THTPA: variants seen among roughly 807,000 people sequenced by gnomAD.
The protein encoded by THTPA is thiamine triphosphatase.
In THTPA, 16 loss-of-function variants were observed where a neutral mutation model predicts 16.5. The observed-to-expected ratio is 0.97, with a 90% CI of 0.66 to 1.47. THTPA has a LOEUF of 1.47. THTPA is among the 40% of genes most tolerant of loss of function. THTPA has a pLI of 0.00. For synonymous variants in THTPA, 110 were observed against 115.5 expected, an observed-to-expected ratio of 0.95 and a Z score of 0.30; for missense variants, 281 against 280.9, an observed-to-expected ratio of 1.00 and a Z score of 0.00.
the THTPA span, chr14:23,534,193 C>G: frequency 2.7e-6 from 4 of 1,481,534 alleles, no homozygotes; most frequent in African/African-American, 4.2e-5. This position sits in a 1 kb window ranked among gnomAD's most constrained non-coding sequence, Gnocchi z 4.5. Context: ...CTCTTCTTGC[C>G]CCTCAGGGAA....
Position 23,560,021 on chromosome 14 carries a change from G to T in THTPA, c.*1181G>T, listed in dbSNP as rs769085601. On this transcript the variant is annotated 3_prime_UTR_variant, in exon 2 of 2. Coordinates refer to ENST00000288014, the MANE Select transcript of THTPA (RefSeq NM_024328.6). ...ACTGTGTTCCCACTGGGGGCCTGCA[G>T]CTGCAGCTGGAGACTCTGAACACAG... 3 of 1,607,812 alleles carry T rather than the reference G, an allele frequency of 1.9e-6. No individual in the cohort carries two copies. The highest frequency in any genetic ancestry group is 2.6e-6 in the Non-Finnish European group (3 of 1,175,872).
chr14:23,520,434 T>C, the THTPA span, among the ~76,000 whole-genome samples: 1 of 151,848 alleles, frequency 6.6e-6, no homozygotes, highest in East Asian at 1.9e-4. This position sits in a 1 kb window ranked among gnomAD's most constrained non-coding sequence, Gnocchi z 8.7. Flanking sequence ...GAAAGGTAAA[T>C]GCAAGGAGAA....
the THTPA span, among the ~76,000 whole-genome samples, chr14:23,539,429 T>C: frequency 1.3e-5 from 2 of 151,612 alleles, no homozygotes; most frequent in African/African-American, 2.4e-5. Flanking sequence ...GAGAGAGAAA[T>C]GTGATGAGAC....
chr14:23,527,008 A>C, the THTPA span: 13 of 1,468,692 alleles, frequency 8.9e-6, no homozygotes, highest in Non-Finnish European at 1.1e-5. Context: ...CTTCACCACC[A>C]CCCCCCACTG....
chr14:23,513,771 C>T, the THTPA span: 3 of 152,768 alleles, frequency 2.0e-5, no homozygotes, highest in Non-Finnish European at 2.9e-5. Context: ...GCAATGGAGA[C>T]TGGGGGATCC....
chr14:23,524,473 T>G, the THTPA span: 28 of 1,532,846 alleles, frequency 1.8e-5, no homozygotes, highest in Non-Finnish European at 2.4e-5. The surrounding 1 kb of genome is among the most constrained non-coding windows in gnomAD (Gnocchi z 5.6). Flanking sequence ...CTGGCATTGG[T>G]GAGGTGGCTG....
At chr14:23,548,726 CTCTCTCTG>C in the THTPA span, among the ~76,000 whole-genome samples, 1 of 152,158 alleles carries the variant, frequency 6.6e-6, no homozygotes, top group South Asian at 2.1e-4. Flanking sequence ...GAGGTTCTCT[CTCTCTCTG>C]TCTCTTCCCT....
In THTPA at chr14:23,559,218, G is replaced by T. The variant is rs145132066; in HGVS notation, c.*378G>T. The stretch of plus-strand genomic sequence containing the variant: ...GGCTCCTAAACCGCCTTACAGCTGA[G>T]TTAGAAGATGAGGAGAGGCAGCAGG... On this transcript the variant is annotated 3_prime_UTR_variant, in exon 2 of 2. Coordinates refer to ENST00000288014, the MANE Select transcript of THTPA (RefSeq NM_024328.6). 1,073 of 238,444 alleles carry T rather than the reference G, an allele frequency of 4.5e-3. 4 individuals are homozygous for T. Among genetic ancestry groups the T allele is most frequent in the Non-Finnish European group, 6.8e-3 (820 of 120,264 alleles). 14.8% of individuals were successfully genotyped at this position (238,444 alleles called of 1,614,324 possible). A position where few individuals can be genotyped will look rare whatever the true frequency, so the allele number is the denominator to read the frequency against.
At chr14:23,534,279 G>A in the THTPA span, 1 of 1,531,906 alleles carries the variant, frequency 6.5e-7, no homozygotes, top group Non-Finnish European at 8.7e-7. The surrounding 1 kb of genome is among the most constrained non-coding windows in gnomAD (Gnocchi z 4.5). Flanking sequence ...AGGTGGCTGT[G>A]GGTGGAGAGG....
the THTPA span, among the ~76,000 whole-genome samples, chr14:23,519,627 C>G: frequency 6.6e-6 from 1 of 152,162 alleles, no homozygotes; most frequent in South Asian, 2.1e-4. Context: ...AGTTAGAAAA[C>G]TAACTCCACC....
the THTPA span, chr14:23,511,865 A>G: frequency 2.0e-5 from 3 of 152,242 alleles, no homozygotes; most frequent in East Asian, 5.8e-4. Flanking sequence ...AATTTGGGTA[A>G]GAAGGCTCGG....
chr14:23,518,934 C>T, the THTPA span, among the ~76,000 whole-genome samples: 7 of 152,268 alleles, frequency 4.6e-5, no homozygotes, highest in East Asian at 7.7e-4. This position sits in a 1 kb window ranked among gnomAD's most constrained non-coding sequence, Gnocchi z 4.5. Context: ...GAGAAAGGGA[C>T]TGGGAAGGAA....
chr14:23,558,898 G>A lies in THTPA; in HGVS notation c.*58G>A. ...TGGGTCTAACGGAGTCCACTCCTGGGCCCACTGTGCCTCTCCCCTCAGTGT... is the reference window on the plus strand; with the variant it reads ...TGGGTCTAACGGAGTCCACTCCTGGACCCACTGTGCCTCTCCCCTCAGTGT... On this transcript the variant is annotated 3_prime_UTR_variant, in exon 2 of 2. Transcript: ENST00000288014. The A allele has an allele frequency of 1.3e-6, 2 of 1,596,592 alleles. No individual in the cohort carries two copies.
chr14:23,526,184 C>G, the THTPA span: 7 of 1,536,410 alleles, frequency 4.6e-6, no homozygotes, highest in Non-Finnish European at 6.1e-6. Flanking sequence ...GGAGACTCTG[C>G]AGACTGTGCA....
At chr14:23,524,882 C>T in the THTPA span, 64 of 1,536,322 alleles carry the variant, frequency 4.2e-5, no homozygotes, top group African/African-American at 2.3e-4. The surrounding 1 kb of genome is among the most constrained non-coding windows in gnomAD (Gnocchi z 5.6). Flanking sequence ...CTTGAGGTGG[C>T]GCACCAACTC....
upstream of THTPA, among the ~76,000 whole-genome samples, chr14:23,555,105 A>T (rs1882253965): frequency 6.6e-6 from 1 of 152,166 alleles, no homozygotes; most frequent in Non-Finnish European, 1.5e-5. Context: ...CTCATGCCTC[A>T]GCCTCTGGAG....
At chr14:23,523,463 G>A in the THTPA span, 1 of 1,536,164 alleles carries the variant, frequency 6.5e-7, no homozygotes, top group South Asian at 1.2e-5. This position sits in a 1 kb window ranked among gnomAD's most constrained non-coding sequence, Gnocchi z 4.1. Context: ...GCCTCGGCAG[G>A]AGACATAGAA....
the THTPA span, among the ~76,000 whole-genome samples, chr14:23,544,487 C>G: frequency 6.6e-6 from 1 of 152,118 alleles, no homozygotes; most frequent in South Asian, 2.1e-4. Context: ...TAGCCCTGTC[C>G]CAGTACTTCT....
At chr14:23,556,116 C>T (rs764485965), upstream of THTPA, 1 of 152,744 alleles carries the variant, frequency 6.5e-6, no homozygotes, top group Non-Finnish European at 1.5e-5. Flanking sequence ...CCCTGGCCAC[C>T]GCGGGGGTCG....
Sources: gnomAD v4.1 joint callset for allele counts (sites outside exome capture counted in the v4.1 genomes callset) on GRCh38, gnomAD v4.1.1 for gene constraint, Gnocchi (gnomAD v3.1) non-coding constraint, MANE v1.5 for transcripts, NCBI Gene and HGNC (gene_info 2026-07-23, HGNC 2026-07-21) for gene names.